Variants in ABCA4 observed in about 807,000 individuals in gnomAD.
The protein encoded by ABCA4 is retinal-specific phospholipid-transporting ATPase ABCA4.
Under a neutral mutation model 263.7 loss-of-function variants are expected in ABCA4, and 196 were observed. That is an observed-to-expected ratio of 0.74 (90% CI 0.66 to 0.84). ABCA4 has a LOEUF of 0.84. ABCA4 is among the 40% of genes least tolerant of loss of function. The pLI is 0.00. For synonymous variants in ABCA4, 1,133 were observed against 1,094.2 expected (o/e 1.04, Z -0.70); for missense variants, 2,792 against 2,855.1 (o/e 0.98, Z 0.50).
Position 94,046,946 on chromosome 1 carries a change from T to C in ABCA4, c.2891A>G (p.His964Arg). The change falls in exon 19 of 50, where the codon CAC becomes CGC. Residue 964 changes from histidine to arginine, a missense_variant. By Grantham distance (29) the His-to-Arg change is conservative. Coordinates refer to ENST00000370225, the MANE Select transcript of ABCA4 (RefSeq NM_000350.3). ...GGTGGTGGTTTTCCCAGCTCCATTG[T>C]GGCCCAGGAATGCGGTGATCTGGTT... The part of the protein sequence containing the change: ...YENQITAFLG[H>R]NGAGKTTTLS... 1 of 1,614,190 alleles carries C rather than the reference T, an allele frequency of 6.2e-7. No homozygotes were observed. The highest frequency in any genetic ancestry group is 8.5e-7 in the Non-Finnish European group (1 of 1,180,036).
In ABCA4 at chr1:94,040,091, T is replaced by A. The variant is rs1032514901; in HGVS notation, c.3559A>T (p.Thr1187Ser). The A allele has an allele frequency of 1.9e-6, 3 of 1,610,428 alleles. No homozygotes were observed. The South Asian group carries it at 3.3e-5, about 18-fold the overall frequency. The change falls in exon 24 of 50, where the codon ACG becomes TCG. Residue 1187 changes from threonine to serine, a missense_variant. Thr to Ser is a moderately conservative substitution (Grantham distance 58). Coordinates refer to ENST00000370225, the MANE Select transcript of ABCA4 (RefSeq NM_000350.3). ...AGGTCATCGACGTGGGCTGGACACG[T>A]GGTGGAGAAACCCTTAGACGAGCAG... is the stretch of plus-strand genomic sequence containing the variant. ...CSCSSKGFST[T>S]CPAHVDDLTP...
At chr1:94,002,092 T>G (rs1204858411) in intron 44 of ABCA4, 100 bp from the exon 45 acceptor site, 1 of 1,570,386 alleles carries the variant, frequency 6.4e-7, no homozygotes, top group Non-Finnish European at 8.7e-7. Context: ...GCCTCCAGAA[T>G]GAAATCCCCA....
At chr1:94,021,551 G>A (rs1277065944) in intron 34 of ABCA4, 89 bp downstream of exon 34, 3 of 1,498,272 alleles carry the variant, frequency 2.0e-6, no homozygotes, top group African/African-American at 2.8e-5. Context: ...GAGGAGGGAT[G>A]GAATTTAATG....
At chr1:94,115,483 C>G (rs948416757) in intron 1 of ABCA4, among the ~76,000 whole-genome samples, 43 of 152,130 alleles carry the variant, frequency 2.8e-4, no homozygotes, top group African/African-American at 1.0e-3. Flanking sequence ...ACAGTGTACA[C>G]TCAGGGTTAA....
intron 31 of ABCA4, among the ~76,000 whole-genome samples, 187 bp from the exon 32 acceptor site, chr1:94,023,605 A>G (rs1659961084): frequency 6.6e-6 from 1 of 152,212 alleles, no homozygotes; most frequent in Non-Finnish European, 1.5e-5. Context: ...ATGCAGAGAA[A>G]GGACCTATGA....
chr1:94,044,107 TTCCTTC>T, intron 20 of ABCA4, among the ~76,000 whole-genome samples: 1 of 19,958 alleles, frequency 5.0e-5, no homozygotes, highest in African/African-American at 7.3e-5. Context: ...CCTTCCTTCC[TTCCTTC>T]CTTCCTTCCT....
chr1:94,011,551 AT>A (rs1056356123), intron 38 of ABCA4, among the ~76,000 whole-genome samples, 166 bp from the exon 39 acceptor site: 2 of 152,170 alleles, frequency 1.3e-5, no homozygotes, highest in African/African-American at 4.8e-5. Context: ...GCAGAGCATC[AT>A]GGGTTTGCAA....
At position 94,062,610 on chromosome 1, in the gene ABCA4, T is replaced by C. The variant is rs1176267143; in HGVS notation, c.1904A>G (p.Gln635Arg). 1 of 1,614,134 alleles carries C rather than the reference T, an allele frequency of 6.2e-7. No individual in the cohort carries two copies. The highest frequency in any genetic ancestry group is 8.5e-7 in the Non-Finnish European group (1 of 1,180,024). The change falls in exon 13 of 50, where the codon CAG becomes CGG. Residue 635 changes from glutamine (Q) to arginine (R), a missense_variant. By Grantham distance (43) the Gln-to-Arg change is conservative. Transcript: ENST00000370225. ...CACGAAGCAGGGGTAGGGCATCTGC[T>C]GGAGGTAGATTCCAACTGGAGCCTC... ...QAEAPVGIYL[Q>R]QMPYPCFVDD...
intron 44 of ABCA4, among the ~76,000 whole-genome samples, chr1:94,002,401 C>A (rs533532217): frequency 6.6e-6 from 1 of 152,236 alleles, no homozygotes; most frequent in Non-Finnish European, 1.5e-5. Context: ...CTTGTGCATC[C>A]GACACATACC....
chr1:94,042,980 G>C (rs1371991851), intron 21 of ABCA4, 82 bp from the exon 22 acceptor site: 1 of 1,584,144 alleles, frequency 6.3e-7, no homozygotes, highest in Admixed American at 1.7e-5. Context: ...GGCATTGTGG[G>C]GGTACCTTAA....
intron 17 of ABCA4, among the ~76,000 whole-genome samples, chr1:94,049,851 A>ACAC (rs1660786460): frequency 1.3e-5 from 2 of 149,886 alleles, no homozygotes; most frequent in African/African-American, 5.0e-5. Context: ...CACACACACA[A>ACAC]ACAGACACTT....
chr1:94,046,309 A>AAC, intron 19 of ABCA4, among the ~76,000 whole-genome samples: 1 of 147,436 alleles, frequency 6.8e-6, no homozygotes, highest in Non-Finnish European at 1.5e-5. Context: ...AAAAAATACA[A>AAC]AAATTAGCTG....
intron 25 of ABCA4, 125 bp downstream of exon 25, chr1:94,037,020 G>C: frequency 9.3e-7 from 1 of 1,073,020 alleles, no homozygotes; most frequent in Non-Finnish European, 1.4e-6. Context: ...AATAAAGATA[G>C]TTGCTATGCT....
intron 6 of ABCA4, among the ~76,000 whole-genome samples, chr1:94,087,314 A>T (rs754244286): frequency 1.1e-4 from 17 of 152,196 alleles, no homozygotes; most frequent in Non-Finnish European, 1.6e-4. Context: ...ACACCAACCC[A>T]TTCCATTAAC....
At position 94,044,777 on chromosome 1, in the gene ABCA4, T is replaced by C. The variant is rs1166707340; in HGVS notation, c.2919-33A>G. The C allele has an allele frequency of 4.3e-6, 7 of 1,614,056 alleles. No homozygotes were observed. The African/African-American group carries it at 8.0e-5, about 18-fold the overall frequency. The stretch of plus-strand genomic sequence containing the variant: ...ACACAGGCGTCAGTGGCAGAAGAGA[T>C]GGCCTTTAGCAACATGCCTTAGGAG... On this transcript the variant is annotated intron_variant, in intron 19 of 49. Transcript: ENST00000370225.
At chr1:94,027,883 C>T (rs1302048623) in intron 30 of ABCA4, among the ~76,000 whole-genome samples, 2 of 152,202 alleles carry the variant, frequency 1.3e-5, no homozygotes, top group Non-Finnish European at 2.9e-5. Context: ...GCCTTATTGG[C>T]TGATGAGGCT....
intron 6 of ABCA4, among the ~76,000 whole-genome samples, chr1:94,088,844 G>A (rs1327566123): frequency 1.3e-5 from 2 of 152,190 alleles, no homozygotes; most frequent in Non-Finnish European, 2.9e-5. Flanking sequence ...GAGGGGGTAG[G>A]AGCCCAGAGG....
chr1:94,020,801 A>G (rs1659875864), intron 35 of ABCA4, among the ~76,000 whole-genome samples: 1 of 152,230 alleles, frequency 6.6e-6, no homozygotes, highest in Admixed American at 6.5e-5. Context: ...ACTGTGCAAG[A>G]AGAGCCTCAG....
Position 94,055,283 on chromosome 1 carries a change from G to A in ABCA4, c.2415C>T (p.Gly805=), listed in dbSNP as rs754658763. Residue 805 remains glycine (G), a synonymous_variant, in exon 16 of 50, where the codon GGC becomes GGT. Coordinates refer to ENST00000370225, the MANE Select transcript of ABCA4 (RefSeq NM_000350.3). The part of the protein sequence containing the change: ...SLLSPVAFGF[G]TEYLVRFEEQ... ...CTTCAAAGCGAACCAGGTACTCAGT[G>A]CCAAATCCAAATGCCACCGGAGACA... 13 of 1,614,032 alleles carry A rather than the reference G, an allele frequency of 8.1e-6. No homozygotes were observed. The South Asian group carries it at 1.4e-4, about 18-fold the overall frequency.
Sources: allele counts gnomAD v4.1 joint callset (sites outside exome capture counted in the v4.1 genomes callset), GRCh38; gene constraint gnomAD v4.1.1; transcripts MANE v1.5; gene names NCBI Gene and HGNC (gene_info 2026-07-23, HGNC 2026-07-21).